The following RUFY4 variants were observed in gnomAD, a reference collection of about 807,000 sequenced individuals.
RUFY4 encodes RUN and FYVE domain containing 4.
In RUFY4, 73 loss-of-function variants were observed where a neutral mutation model predicts 69.0. The observed-to-expected ratio is 1.06, with a 90% CI of 0.88 to 1.29. The LOEUF (loss-of-function observed/expected upper bound fraction) is 1.29. Ranked by LOEUF, RUFY4 falls within the 50% of genes most tolerant of loss-of-function variation. The pLI, the probability that RUFY4 is intolerant of heterozygous loss-of-function variation, is 0.00. For missense variants in RUFY4, 770 were observed against 705.6 expected (o/e 1.09, Z -1.03); for synonymous variants, 287 against 271.8 (o/e 1.06, Z -0.55).
intron 2 of RUFY4, among the ~76,000 whole-genome samples, chr2:218,043,565 G>T (rs557038105): frequency 6.6e-6 from 1 of 152,330 alleles, no homozygotes; most frequent in East Asian, 1.9e-4. Flanking sequence ...CCCAGAGAGG[G>T]TAGCTCCTTT....
chr2:218,044,782 T>A (rs1303185258), intron 2 of RUFY4, among the ~76,000 whole-genome samples: 1 of 152,238 alleles, frequency 6.6e-6, no homozygotes, highest in Non-Finnish European at 1.5e-5. Flanking sequence ...CATTCTTTTT[T>A]ATGGCTGCAT....
intron 2 of RUFY4, among the ~76,000 whole-genome samples, chr2:218,052,434 G>A (rs1688965454): frequency 6.6e-6 from 1 of 152,134 alleles, no homozygotes; most frequent in Non-Finnish European, 1.5e-5. Context: ...ATAATATGGT[G>A]TACACTCCTA....
chr2:218,073,002 A>G (rs1689529581), intron 4 of RUFY4, 117 bp downstream of exon 6: 1 of 983,328 alleles, frequency 1.0e-6, no homozygotes, highest in Non-Finnish European at 1.5e-6. Flanking sequence ...TTACAATGAG[A>G]GTCATGAAGG....
intron 2 of RUFY4, among the ~76,000 whole-genome samples, chr2:218,054,300 G>T (rs889773693): frequency 1.3e-5 from 2 of 152,088 alleles, no homozygotes; most frequent in Non-Finnish European, 2.9e-5. Context: ...CATGTCTGTA[G>T]TTCCAACACT....
intron 2 of RUFY4, 77 bp downstream of exon 4, chr2:218,070,936 G>A: frequency 8.9e-7 from 1 of 1,123,620 alleles, no homozygotes; most frequent in Non-Finnish European, 1.3e-6. Context: ...GAAAATCAGG[G>A]AGGAGCCACA....
At chr2:218,070,880 TCCC>T in intron 2 of RUFY4, 21 bp downstream of exon 4, 8 of 1,507,248 alleles carry the variant, frequency 5.3e-6, no homozygotes, top group Non-Finnish European at 7.1e-6. Flanking sequence ...CTCCTCCCCT[TCCC>T]CATCCCTCTC....
chr2:218,035,565 C>G (rs983536675), intron 2 of RUFY4, among the ~76,000 whole-genome samples: 4 of 152,194 alleles, frequency 2.6e-5, no homozygotes, highest in Admixed American at 1.3e-4. Flanking sequence ...TGCTGTACCA[C>G]TGCCACGCCA....
chr2:218,070,365 C>T (rs997998484), upstream of RUFY4: 14 of 577,042 alleles, frequency 2.4e-5, no homozygotes, highest in Non-Finnish European at 1.9e-5. Flanking sequence ...AGCACAGTGT[C>T]GTCACCCAGG....
intron 3 of RUFY4, among the ~76,000 whole-genome samples, chr2:218,062,405 C>CAAAA (rs58667428): frequency 1.3e-3 from 135 of 101,336 alleles, no homozygotes; most frequent in African/African-American, 3.7e-3. Context: ...GACTCCGTCT[C>CAAAA]AAAAAAAAAA....
chr2:218,037,832 T>C (rs926366157), intron 2 of RUFY4, among the ~76,000 whole-genome samples: 2 of 152,248 alleles, frequency 1.3e-5, no homozygotes, highest in African/African-American at 2.4e-5. Context: ...AAATAGTTTC[T>C]GAATTCTGGA....
chr2:218,037,399 G>A (rs190741351), intron 2 of RUFY4, among the ~76,000 whole-genome samples: 18 of 151,840 alleles, frequency 1.2e-4, no homozygotes, highest in Admixed American at 3.9e-4. Context: ...TTTTTCTTCC[G>A]AAACATAATT....
chr2:218,040,875 C>A (rs987612748), intron 2 of RUFY4, among the ~76,000 whole-genome samples: 1 of 151,990 alleles, frequency 6.6e-6, no homozygotes, highest in Non-Finnish European at 1.5e-5. Flanking sequence ...GGGTACGAGA[C>A]CCCACTCAAG....
At chr2:218,090,523 G>A (rs1199037493) in exon 11 of RUFY4, 1 of 163,916 alleles carries the variant, frequency 6.1e-6, no homozygotes, top group Non-Finnish European at 1.4e-5. Flanking sequence ...TTGTGTTGCT[G>A]TGTTTCTTTT....
At chr2:218,069,994 C>T (rs1559430998), upstream of RUFY4, among the ~76,000 whole-genome samples, 1 of 152,190 alleles carries the variant, frequency 6.6e-6, no homozygotes, top group Non-Finnish European at 1.5e-5. Flanking sequence ...CCGTGCTTTA[C>T]TTCTGCACCC....
At position 218,078,282 on chromosome 2, in the gene RUFY4, C is replaced by A. The variant is rs573879146; in HGVS notation, c.1355+1749C>A. Among the ~76,000 whole-genome samples, 134 of 152,224 alleles carry A rather than the reference C, an allele frequency of 8.8e-4. 2 individuals are homozygous for A. Among genetic ancestry groups the A allele is most frequent in the African/African-American group, 3.2e-3 (133 of 41,532 alleles). On this transcript the variant is annotated intron_variant, in intron 8 of 10. Coordinates refer to ENST00000344321, the Ensembl canonical transcript of RUFY4. ...TTACATTTTAATAAGGTAATATGGC[C>A]AGGGAAGACCTCCCTGTAAATGTGA...
rs1689514674 is a variant in RUFY4 at position 218,072,573 on chromosome 2, G to A, written c.279+74G>A. ...AGGCCTCCTCCTTTTCCCCCACCCT[G>A]CTCTACCGACCATAGACCCCTCACC... On this transcript the variant is annotated intron_variant, in intron 3 of 10. Coordinates refer to ENST00000344321, the Ensembl canonical transcript of RUFY4. 2.0e-6 allele frequency: 3 copies of A among 1,512,226 alleles called. No individual in the cohort carries two copies. In the East Asian group the frequency reaches 7.4e-5, roughly 37 times the overall value. The allele number at this position is 1,512,226 out of a possible 1,614,324, so 93.7% of individuals were successfully genotyped here. A position where few individuals can be genotyped will look rare whatever the true frequency, so the allele number is the denominator to read the frequency against.
intron 2 of RUFY4, among the ~76,000 whole-genome samples, chr2:218,050,700 AT>A (rs773299961): frequency 1.3e-5 from 2 of 152,160 alleles, no homozygotes; most frequent in Non-Finnish European, 2.9e-5. Context: ...ACAGTGTTAT[AT>A]TTGTCTCTGC....
intron 2 of RUFY4, 99 bp downstream of exon 4, chr2:218,070,958 T>C: frequency 1.2e-6 from 1 of 827,880 alleles, no homozygotes; most frequent in Non-Finnish European, 1.9e-6. Flanking sequence ...CCCCCTTCCT[T>C]ACCATGCACT....
intron 8 of RUFY4, among the ~76,000 whole-genome samples, chr2:218,078,076 G>A (rs1689677199): frequency 6.6e-6 from 1 of 152,170 alleles, no homozygotes; most frequent in South Asian, 2.1e-4. Context: ...CCTGTCCTAG[G>A]TATGGGAAAT....
Sources: allele counts gnomAD v4.1 joint callset (sites outside exome capture counted in the v4.1 genomes callset), GRCh38; gene constraint gnomAD v4.1.1; transcripts MANE v1.5; gene names NCBI Gene and HGNC (gene_info 2026-07-23, HGNC 2026-07-21).